The following NUBPL variants were observed in gnomAD, a reference collection of about 807,000 sequenced individuals.
The protein encoded by NUBPL is NUBP iron-sulfur cluster assembly factor, mitochondrial.
In NUBPL, 31 loss-of-function variants were observed where a neutral mutation model predicts 45.7. That is an observed-to-expected ratio of 0.68 (90% CI 0.51 to 0.92). NUBPL has a LOEUF of 0.92. Among genes scored for constraint, NUBPL ranks in the 40% least tolerant of loss-of-function variants. NUBPL has a pLI of 0.00. For missense variants in NUBPL, 401 were observed against 398.7 expected (o/e 1.01, Z -0.05); for synonymous variants, 144 against 140.9 (o/e 1.02, Z -0.15).
intron 6 of NUBPL, among the ~76,000 whole-genome samples, chr14:31,729,863 T>C (rs2038012056): frequency 6.6e-6 from 1 of 152,196 alleles, no homozygotes. Context: ...CTTATTGCAT[T>C]ATCTAGCATC....
At chr14:31,853,067 GTTGTGTTGTGTTGTGTTTTGTT>G (rs148590442) in intron 10 of NUBPL, among the ~76,000 whole-genome samples, 38,307 of 114,418 alleles carry the variant, frequency 0.33, 7,147 homozygotes, top group African/African-American at 0.6. Context: ...GACTGATACT[GTTGTGTTGTGTTGTGTTTTGTT>G]TTGTTTTGTT....
intron 6 of NUBPL, among the ~76,000 whole-genome samples, chr14:31,755,473 T>G (rs1033703160): frequency 6.6e-6 from 1 of 152,262 alleles, no homozygotes; most frequent in Non-Finnish European, 1.5e-5. Flanking sequence ...TTTTCATGTG[T>G]TTTTTGGCTT....
intron 7 of NUBPL, among the ~76,000 whole-genome samples, chr14:31,825,739 A>G (rs1203859668): frequency 9.0e-6 from 1 of 110,772 alleles, no homozygotes; most frequent in Non-Finnish European, 1.9e-5. Context: ...CATCTTCTTC[A>G]TTGTCATCTT....
chr14:31,623,754 A>G (rs549656018), intron 4 of NUBPL, among the ~76,000 whole-genome samples: 1 of 152,280 alleles, frequency 6.6e-6, no homozygotes, highest in South Asian at 2.1e-4. Context: ...AAAACGGACT[A>G]ATACGTATGG....
chr14:31,627,601 C>G (rs1341356813), intron 4 of NUBPL, among the ~76,000 whole-genome samples: 1 of 151,748 alleles, frequency 6.6e-6, no homozygotes, highest in Non-Finnish European at 1.5e-5. Context: ...CTTGTCTCTA[C>G]TAACAATAGA....
At chr14:31,593,583 C>T (rs1256404070) in intron 3 of NUBPL, among the ~76,000 whole-genome samples, 1 of 150,316 alleles carries the variant, frequency 6.7e-6, no homozygotes, top group African/African-American at 2.5e-5. Context: ...GGAACCAATG[C>T]CCTGCAGATA....
At chr14:31,718,053 T>C (rs780726849) in intron 6 of NUBPL, among the ~76,000 whole-genome samples, 70 of 152,218 alleles carry the variant, frequency 4.6e-4, no homozygotes, top group Non-Finnish European at 7.9e-4. Flanking sequence ...GTTTGAGAGC[T>C]AGAAGATGCT....
At chr14:31,821,465 T>C (rs1224660271) in intron 7 of NUBPL, among the ~76,000 whole-genome samples, 1 of 152,076 alleles carries the variant, frequency 6.6e-6, no homozygotes, top group Non-Finnish European at 1.5e-5. Context: ...ATCAGAGAAA[T>C]TCAAATCAAA....
chr14:31,753,713 A>G (rs2038584610), intron 6 of NUBPL, among the ~76,000 whole-genome samples: 1 of 152,122 alleles, frequency 6.6e-6, no homozygotes, highest in African/African-American at 2.4e-5. Flanking sequence ...GTGTGGACTA[A>G]AGGCAGCTTC....
intron 6 of NUBPL, among the ~76,000 whole-genome samples, chr14:31,747,654 T>C (rs1213697175): frequency 3.9e-5 from 6 of 152,204 alleles, no homozygotes; most frequent in Admixed American, 3.9e-4. Context: ...GTCTTGGTTG[T>C]AATTCCTCTA....
chr14:31,817,365 A>G (rs546274941), intron 7 of NUBPL, among the ~76,000 whole-genome samples: 5 of 152,280 alleles, frequency 3.3e-5, no homozygotes, highest in African/African-American at 1.2e-4. Flanking sequence ...CAACCCCAAG[A>G]CATATAATTA....
intron 6 of NUBPL, among the ~76,000 whole-genome samples, chr14:31,760,827 T>A (rs915005989): frequency 1.4e-5 from 2 of 139,108 alleles, no homozygotes; most frequent in Non-Finnish European, 3.0e-5. Context: ...ACTTTTTACA[T>A]TTTACTTTAT....
chr14:31,580,487 G>T (rs933422392), intron 3 of NUBPL, among the ~76,000 whole-genome samples: 1 of 152,084 alleles, frequency 6.6e-6, no homozygotes, highest in Non-Finnish European at 1.5e-5. Context: ...GCATGGTGGC[G>T]TACAGCTGTA....
intron 4 of NUBPL, among the ~76,000 whole-genome samples, chr14:31,650,215 G>C (rs1326224096): frequency 1.3e-5 from 2 of 151,706 alleles, no homozygotes; most frequent in Admixed American, 1.3e-4. Context: ...ATTGATATAA[G>C]TTCAAGTAAT....
chr14:31,680,597 A>T (rs546872471), intron 6 of NUBPL, among the ~76,000 whole-genome samples: 110 of 152,184 alleles, frequency 7.2e-4, no homozygotes, highest in Admixed American at 1.9e-3. Context: ...TTGTAATTAT[A>T]GTTGTCCCTC....
intron 4 of NUBPL, among the ~76,000 whole-genome samples, chr14:31,622,373 T>TG: frequency 6.6e-6 from 1 of 152,168 alleles, no homozygotes; most frequent in Middle Eastern, 3.4e-3. Flanking sequence ...CTCGTTTTTT[T>TG]GGGGGGAGAA....
intron 6 of NUBPL, among the ~76,000 whole-genome samples, chr14:31,783,285 G>A (rs1357556574): frequency 6.6e-6 from 1 of 152,098 alleles, no homozygotes; most frequent in Non-Finnish European, 1.5e-5. Flanking sequence ...TCTGGATCCT[G>A]CCATGTGGTG....
At chr14:31,680,616 T>G (rs539888992) in intron 6 of NUBPL, among the ~76,000 whole-genome samples, 1 of 152,200 alleles carries the variant, frequency 6.6e-6, no homozygotes, top group African/African-American at 2.4e-5. Context: ...TCAATATCTG[T>G]GGGGGATTGG....
At chr14:31,622,248 A>C (rs1187611983) in intron 4 of NUBPL, among the ~76,000 whole-genome samples, 1 of 152,202 alleles carries the variant, frequency 6.6e-6, no homozygotes, top group African/African-American at 2.4e-5. Flanking sequence ...TTCTGAAAGC[A>C]TACAGTCATA....
Sources: gnomAD v4.1 joint callset for allele counts (sites outside exome capture counted in the v4.1 genomes callset) on GRCh38, gnomAD v4.1.1 for gene constraint, MANE v1.5 for transcripts, NCBI Gene and HGNC (gene_info 2026-07-23, HGNC 2026-07-21) for gene names.